The following NEGR1 variants were observed in gnomAD, a reference collection of about 807,000 sequenced individuals.
NEGR1 encodes the protein neuronal growth regulator 1, also known as IgLON family member 4.
In NEGR1, 10 loss-of-function variants were observed where a neutral mutation model predicts 40.9. The observed-to-expected ratio is 0.24, with a 90% confidence interval of 0.15 to 0.42. The LOEUF (loss-of-function observed/expected upper bound fraction) is 0.42, where lower values mean the gene tolerates loss of function less well. NEGR1 is among the 10% of genes least tolerant of loss of function. NEGR1 has a pLI of 1.00. For synonymous variants in NEGR1, 185 were observed against 166.8 expected (o/e 1.11, Z -0.84); for missense variants, 352 against 438.9 (o/e 0.80, Z 1.77).
At chr1:71,876,608 G>A (rs200159250) in intron 2 of NEGR1, among the ~76,000 whole-genome samples, 2 of 94,486 alleles carry the variant, frequency 2.1e-5, no homozygotes, top group South Asian at 3.5e-4. Context: ...AAGGAAAGAA[G>A]GAAGGAAGGA....
intron 6 of NEGR1, among the ~76,000 whole-genome samples, chr1:71,424,481 A>T (rs1302003572): frequency 6.6e-6 from 1 of 152,176 alleles, no homozygotes; most frequent in Non-Finnish European, 1.5e-5. Flanking sequence ...TCCCCTGGTT[A>T]CTCAGTCAAG....
intron 2 of NEGR1, among the ~76,000 whole-genome samples, chr1:71,779,944 A>C (rs1423269294): frequency 6.6e-6 from 1 of 151,076 alleles, no homozygotes; most frequent in Non-Finnish European, 1.5e-5. Flanking sequence ...GATGGTGATA[A>C]CAATTGTCAG....
At chr1:71,523,906 G>A (rs147777217) in intron 6 of NEGR1, among the ~76,000 whole-genome samples, 1 of 151,824 alleles carries the variant, frequency 6.6e-6, no homozygotes, top group Non-Finnish European at 1.5e-5. Flanking sequence ...TCTGGGCTAG[G>A]AGGACTGACA....
chr1:72,218,220 G>C (rs1313441828), intron 1 of NEGR1, among the ~76,000 whole-genome samples: 1 of 151,816 alleles, frequency 6.6e-6, no homozygotes, highest in Admixed American at 6.6e-5. Context: ...CTATTGTCAT[G>C]AATTTGTTCT....
chr1:72,249,644 T>C (rs966771895), intron 1 of NEGR1, among the ~76,000 whole-genome samples: 1 of 152,118 alleles, frequency 6.6e-6, no homozygotes, highest in Non-Finnish European at 1.5e-5. Flanking sequence ...ACTAAAGGAT[T>C]TCACAAAAAG....
In NEGR1 at chr1:71,807,789, TC is replaced by T. The variant is rs535026684; in HGVS notation, c.410-31493del. ...TGAGTAACTTGCACACTACAAAAGC[TC>T]ATCTGCAACTGAGAGGGAAACAGTG... On this transcript the variant is annotated intron_variant, in intron 2 of 6. Coordinates refer to ENST00000357731, the MANE Select transcript of NEGR1 (RefSeq NM_173808.3). Among the ~76,000 whole-genome samples, 302 of 152,260 alleles carry T rather than the reference TC, an allele frequency of 2.0e-3. 1 individual carries two copies. The highest frequency in any genetic ancestry group is 7.0e-3 in the African/African-American group (292 of 41,566).
At chr1:71,566,643 T>G (rs945536704) in intron 6 of NEGR1, among the ~76,000 whole-genome samples, 4 of 152,148 alleles carry the variant, frequency 2.6e-5, no homozygotes, top group Admixed American at 1.3e-4. Flanking sequence ...AAGGGCCAGA[T>G]AGTAAATATT....
intron 2 of NEGR1, among the ~76,000 whole-genome samples, chr1:71,863,530 C>T (rs1361566045): frequency 6.6e-6 from 1 of 151,950 alleles, no homozygotes; most frequent in African/African-American, 2.4e-5. Context: ...GATCTGTGCC[C>T]CAAACCACCA....
intron 4 of NEGR1, among the ~76,000 whole-genome samples, chr1:71,618,788 TTA>T (rs1650523046): frequency 6.6e-5 from 10 of 152,080 alleles, no homozygotes; most frequent in Non-Finnish European, 1.5e-4. Flanking sequence ...GCCAAAAAGG[TTA>T]GAGACTGCTG....
intron 1 of NEGR1, among the ~76,000 whole-genome samples, chr1:72,049,265 T>C (rs946654509): frequency 3.3e-5 from 5 of 151,534 alleles, no homozygotes; most frequent in African/African-American, 1.2e-4. Context: ...TCATTGAGCC[T>C]AGGAGTCCAA....
chr1:72,040,892 C>G (rs1444727878), intron 1 of NEGR1, among the ~76,000 whole-genome samples: 1 of 151,984 alleles, frequency 6.6e-6, no homozygotes, highest in Non-Finnish European at 1.5e-5. Context: ...CAACATTCCT[C>G]TGTCCACCAA....
At chr1:72,077,608 A>T (rs917851655) in intron 1 of NEGR1, among the ~76,000 whole-genome samples, 4 of 151,462 alleles carry the variant, frequency 2.6e-5, no homozygotes, top group African/African-American at 9.7e-5. Flanking sequence ...TGGGCAACAC[A>T]CTGAAACTCT....
intron 1 of NEGR1, among the ~76,000 whole-genome samples, chr1:72,209,093 G>C (rs547804486): frequency 1.3e-5 from 2 of 151,482 alleles, no homozygotes; most frequent in East Asian, 3.9e-4. Context: ...GCAAGTATGT[G>C]GAGATACTCC....
intron 1 of NEGR1, among the ~76,000 whole-genome samples, chr1:71,989,282 C>T (rs1288056331): frequency 6.6e-6 from 1 of 152,110 alleles, no homozygotes; most frequent in African/African-American, 2.4e-5. Flanking sequence ...CCTTCCACTC[C>T]CACAGATGCT....
At chr1:72,068,173 C>G (rs188755394) in intron 1 of NEGR1, among the ~76,000 whole-genome samples, 1 of 152,266 alleles carries the variant, frequency 6.6e-6, no homozygotes, top group Non-Finnish European at 1.5e-5. Flanking sequence ...TTGAAGGTCA[C>G]ATAATCTAAG....
intron 4 of NEGR1, among the ~76,000 whole-genome samples, chr1:71,640,171 C>G (rs960233641): frequency 7.2e-5 from 11 of 152,038 alleles, no homozygotes; most frequent in African/African-American, 2.7e-4. Flanking sequence ...TGTGCAGGAA[C>G]AAATTACATG....
In NEGR1 at chr1:71,909,501, A is replaced by G. The variant is rs190700579; in HGVS notation, c.409+25578T>C. Among the ~76,000 whole-genome samples the G allele has an allele frequency of 3.5e-4, 54 of 152,288 alleles. 1 individual carries two copies. In the East Asian group the frequency reaches 9.7e-3, roughly 27 times the overall value. On this transcript the variant is annotated intron_variant, in intron 2 of 6. Coordinates refer to ENST00000357731, the MANE Select transcript of NEGR1 (RefSeq NM_173808.3). ...TCTAAATTCAAGAGAAATTTCTTCA[A>G]TCCTGCTCTTTTTGTTCTGAGCTAA...
intron 2 of NEGR1, among the ~76,000 whole-genome samples, chr1:71,903,430 G>C (rs1661194042): frequency 6.6e-6 from 1 of 151,826 alleles, no homozygotes; most frequent in African/African-American, 2.4e-5. Flanking sequence ...AACCAAAGTT[G>C]ACAAAAGAGT....
intron 1 of NEGR1, among the ~76,000 whole-genome samples, chr1:72,008,897 T>C (rs1048328561): frequency 2.6e-5 from 4 of 152,016 alleles, no homozygotes; most frequent in Non-Finnish European, 5.9e-5. Flanking sequence ...GAAATTACTT[T>C]AGTGGGAAGA....
Sources: allele counts gnomAD v4.1 joint callset (sites outside exome capture counted in the v4.1 genomes callset), GRCh38; gene constraint gnomAD v4.1.1; transcripts MANE v1.5; gene names NCBI Gene and HGNC (gene_info 2026-07-23, HGNC 2026-07-21).